SDK1: variants seen among roughly 807,000 people sequenced by gnomAD.
The protein encoded by SDK1 is protein sidekick-1.
Under a neutral mutation model 245.5 loss-of-function variants are expected in SDK1, and 157 were observed. That is an observed-to-expected ratio of 0.64 (90% CI 0.56 to 0.73). The LOEUF (loss-of-function observed/expected upper bound fraction) is 0.73, where lower values mean the gene tolerates loss of function less well. Among genes scored for constraint, SDK1 ranks in the 30% least tolerant of loss-of-function variants. SDK1 has a pLI of 0.00. For synonymous variants in SDK1, 1,647 were observed against 1,278.5 expected (o/e 1.29, Z -6.15); for missense variants, 3,583 against 3,002.3 (o/e 1.19, Z -4.52).
At chr7:3,741,986 G>GCATATATA (rs1386781617) in intron 4 of SDK1, among the ~76,000 whole-genome samples, 7 of 79,656 alleles carry the variant, frequency 8.8e-5, no homozygotes, top group African/African-American at 4.7e-4. Context: ...ATTGTAGTGT[G>GCATATATA]CATATATATA....
At chr7:3,410,601 T>C (rs1463034515) in intron 1 of SDK1, among the ~76,000 whole-genome samples, 1 of 148,464 alleles carries the variant, frequency 6.7e-6, no homozygotes, top group Admixed American at 6.7e-5. Flanking sequence ...TTTTTTTTTT[T>C]TTGGAGAAGG....
chr7:3,694,786 A>G (rs530947183), intron 4 of SDK1, among the ~76,000 whole-genome samples: 2 of 152,180 alleles, frequency 1.3e-5, no homozygotes, highest in Non-Finnish European at 2.9e-5. Flanking sequence ...GGTAATTCCT[A>G]TCGTAAGTTT....
At chr7:3,541,789 C>A (rs1247294303) in intron 1 of SDK1, among the ~76,000 whole-genome samples, 1 of 152,104 alleles carries the variant, frequency 6.6e-6, no homozygotes, top group Non-Finnish European at 1.5e-5. Flanking sequence ...ATGACTTAGG[C>A]AAATAAGGTA....
chr7:3,651,130 GTTTTT>G (rs35272140), intron 4 of SDK1, among the ~76,000 whole-genome samples: 1 of 142,164 alleles, frequency 7.0e-6, no homozygotes, highest in Non-Finnish European at 1.5e-5. Context: ...TTTAGTTTTA[GTTTTT>G]TTTTTTTTTT....
At position 3,803,599 on chromosome 7, in the gene SDK1, C is replaced by T. The variant is rs114633280; in HGVS notation, c.714-17851C>T. Among the ~76,000 whole-genome samples the T allele has an allele frequency of 4.8e-3, 730 of 152,240 alleles. 9 individuals are homozygous for T. Among genetic ancestry groups the T allele is most frequent in the African/African-American group, 0.017 (687 of 41,544 alleles). On this transcript the variant is annotated intron_variant, in intron 4 of 44. Transcript: ENST00000404826. ...GTGCTGAGATTACAGGCTTGAGCCA[C>T]TGCGCCTGTTACACTTTCCCCATTT...
At position 4,114,066 on chromosome 7, in the gene SDK1, C is replaced by T. The variant is rs772751568; in HGVS notation, c.3615C>T (p.Asn1205=). 1.9e-6 allele frequency: 3 copies of T among 1,614,202 alleles called. No homozygotes were observed. Among genetic ancestry groups the T allele is most frequent in the South Asian group, 1.1e-5 (1 of 91,086 alleles). Residue 1205 remains asparagine, a synonymous_variant, in exon 25 of 45, where the codon AAC becomes AAT. Transcript: ENST00000404826. ...TGCCGGATTCTCAGTACAACGGGAACCCCGAGTCCGTGGGCTACAGGATTA... is the reference window on the plus strand; with the variant it reads ...TGCCGGATTCTCAGTACAACGGGAATCCCGAGTCCGTGGGCTACAGGATTA... The part of the protein sequence containing the change: ...VPLPDSQYNG[N]PESVGYRIKY...
intron 5 of SDK1, among the ~76,000 whole-genome samples, chr7:3,945,597 T>C (rs921275100): frequency 2.0e-5 from 3 of 152,014 alleles, no homozygotes; most frequent in African/African-American, 7.2e-5. Flanking sequence ...AAAGACCAGT[T>C]AGAAGATAAA....
intron 1 of SDK1, among the ~76,000 whole-genome samples, chr7:3,412,729 C>T (rs1003259606): frequency 6.6e-6 from 1 of 152,194 alleles, no homozygotes. Flanking sequence ...GAAAGACTTA[C>T]TTCCAAGCCA....
At chr7:3,550,673 A>G (rs1424083342) in intron 1 of SDK1, among the ~76,000 whole-genome samples, 1 of 152,206 alleles carries the variant, frequency 6.6e-6, no homozygotes, top group Non-Finnish European at 1.5e-5. Flanking sequence ...TGTGTTCAGA[A>G]ATTTTCTTGC....
At chr7:4,233,818 C>G (rs926505354) in intron 41 of SDK1, among the ~76,000 whole-genome samples, 4 of 152,126 alleles carry the variant, frequency 2.6e-5, no homozygotes, top group Admixed American at 1.3e-4. Flanking sequence ...GACCCCAGGC[C>G]CCAGAGCCTC....
chr7:3,452,606 G>A (rs73036754), intron 1 of SDK1, among the ~76,000 whole-genome samples: 25,756 of 152,170 alleles, frequency 0.17, 2,198 homozygotes, highest in South Asian at 0.22. Context: ...AGGCACTCTT[G>A]CTAATAGTGA....
At chr7:3,456,878 T>C (rs1356351905) in intron 1 of SDK1, among the ~76,000 whole-genome samples, 1 of 152,218 alleles carries the variant, frequency 6.6e-6, no homozygotes, top group East Asian at 1.9e-4. Flanking sequence ...GCACTCAGGT[T>C]CTGGCCTGCT....
rs74999528 is a variant in SDK1 at position 3,522,242 on chromosome 7, G to C, written c.299-96838G>C. ...CAGTGCTTCACATACTTTTCAGATA[G>C]TCTTCAGAACTCCTTCAGGACAGAG... On this transcript the variant is annotated intron_variant, in intron 1 of 44. Coordinates refer to ENST00000404826, the MANE Select transcript of SDK1 (RefSeq NM_152744.4). Among the ~76,000 whole-genome samples the C allele has an allele frequency of 4.2e-3, 641 of 152,038 alleles. 3 individuals carry two copies. The highest frequency in any genetic ancestry group is 0.014 in the African/African-American group (577 of 41,504).
intron 13 of SDK1, among the ~76,000 whole-genome samples, chr7:3,981,498 G>A (rs1420436487): frequency 1.3e-5 from 2 of 152,116 alleles, no homozygotes; most frequent in East Asian, 1.9e-4. Flanking sequence ...AAGGCATATC[G>A]AAAGCCAAGA....
intron 32 of SDK1, among the ~76,000 whole-genome samples, chr7:4,168,995 C>T (rs1781669282): frequency 2.0e-5 from 3 of 152,196 alleles, no homozygotes; most frequent in Admixed American, 6.5e-5. Context: ...GAGCCTTGGG[C>T]AAAACAATCC....
rs76312405 is a variant in SDK1, at chr7:3,702,059, C to T, written c.713+59954C>T. The stretch of plus-strand genomic sequence containing the variant: ...ACTGTTAAACTTTCAGAAGAATAAA[C>T]CTCTGGGGTTTAGAACTTAGTGAAG... On this transcript the variant is annotated intron_variant, in intron 4 of 44. Transcript: ENST00000404826. Among the ~76,000 whole-genome samples the T allele has an allele frequency of 2.0e-3, 301 of 151,596 alleles. 1 individual carries two copies. Among genetic ancestry groups the T allele is most frequent in the African/African-American group, 6.3e-3 (262 of 41,398 alleles).
At chr7:3,840,400 G>A (rs1219752862) in intron 5 of SDK1, among the ~76,000 whole-genome samples, 2 of 152,014 alleles carry the variant, frequency 1.3e-5, no homozygotes, top group African/African-American at 2.4e-5. Context: ...AAATCACCTG[G>A]GCTGGGTCAG....
chr7:3,575,613 G>A (rs1780262229), intron 1 of SDK1, among the ~76,000 whole-genome samples: 2 of 151,952 alleles, frequency 1.3e-5, no homozygotes, highest in Non-Finnish European at 2.9e-5. Flanking sequence ...GATCTAGAGA[G>A]AAACAATGAA....
chr7:4,023,104 T>G (rs1202715187), intron 17 of SDK1, among the ~76,000 whole-genome samples: 1 of 152,050 alleles, frequency 6.6e-6, no homozygotes, highest in Admixed American at 6.6e-5. Context: ...CATTTATGGC[T>G]CAGATATATT....
Sources: gnomAD v4.1 joint callset for allele counts (sites outside exome capture counted in the v4.1 genomes callset) on GRCh38, gnomAD v4.1.1 for gene constraint, MANE v1.5 for transcripts, NCBI Gene and HGNC (gene_info 2026-07-23, HGNC 2026-07-21) for gene names.